The following COX10 variants were observed in gnomAD, a reference collection of about 807,000 sequenced individuals.
The protein encoded by COX10 is protoheme IX farnesyltransferase, mitochondrial.
In COX10, 27 loss-of-function variants were observed where a neutral mutation model predicts 37.3. The ratio of observed to expected loss-of-function variants is 0.72; its 90% CI spans 0.53 to 1.00. COX10 has a LOEUF of 1.00. Among genes scored for constraint, COX10 ranks in the 50% least tolerant of loss-of-function variants. The pLI is 0.00. For synonymous variants in COX10, 222 were observed against 229.1 expected (o/e 0.97, Z 0.28); for missense variants, 475 against 563.2 (o/e 0.84, Z 1.59).
chr17:14,074,479 A>C (rs200849035), intron 2 of COX10, 23 bp downstream of exon 2: 1 of 1,519,430 alleles, frequency 6.6e-7, no homozygotes, highest in East Asian at 2.4e-5. Context: ...GACCATTCTT[A>C]CTCTGTTACT....
At chr17:14,101,316 T>C (rs1915775246) in intron 3 of COX10, among the ~76,000 whole-genome samples, 1 of 152,164 alleles carries the variant, frequency 6.6e-6, no homozygotes, top group Non-Finnish European at 1.5e-5. Flanking sequence ...TTCTCTTCCT[T>C]TCTCTTCATC....
chr17:14,170,318 C>A (rs1357787031), intron 5 of COX10, among the ~76,000 whole-genome samples: 2 of 152,058 alleles, frequency 1.3e-5, no homozygotes, highest in Non-Finnish European at 2.9e-5. Context: ...CAGTATTATC[C>A]AGTTTTTTTA....
At chr17:14,087,838 G>A (rs935701078) in intron 3 of COX10, among the ~76,000 whole-genome samples, 4 of 152,100 alleles carry the variant, frequency 2.6e-5, no homozygotes, top group African/African-American at 7.2e-5. Flanking sequence ...TGAGTTGGAA[G>A]AATACCACAG....
At chr17:14,149,859 A>C (rs918507233) in intron 4 of COX10, among the ~76,000 whole-genome samples, 1 of 152,194 alleles carries the variant, frequency 6.6e-6, no homozygotes, top group African/African-American at 2.4e-5. Flanking sequence ...TATCACTTGC[A>C]ATCCCAAGAG....
In COX10 at chr17:14,207,711, GT is replaced by G. The variant is rs1048606415; in HGVS notation, c.*502del. On this transcript the variant is annotated 3_prime_UTR_variant, in exon 7 of 7. Coordinates refer to ENST00000261643, the MANE Select transcript of COX10 (RefSeq NM_001303.4). ...GACTGAGCCAGGGCCTGCATTTTTG[GT>G]TTTCCCCACCCCACACATTCTCAAC... is the stretch of plus-strand genomic sequence containing the variant. The G allele has an allele frequency of 1.9e-5, 3 of 154,628 alleles. No individual in the cohort carries two copies. Among genetic ancestry groups the G allele is most frequent in the African/African-American group, 7.2e-5 (3 of 41,432 alleles). 9.6% of individuals were successfully genotyped at this position (154,628 alleles called of 1,614,324 possible). A position where few individuals can be genotyped will look rare whatever the true frequency, so the allele number is the denominator to read the frequency against.
At chr17:14,129,798 ACT>A (rs1281546450) in intron 4 of COX10, among the ~76,000 whole-genome samples, 1 of 151,916 alleles carries the variant, frequency 6.6e-6, no homozygotes, top group Non-Finnish European at 1.5e-5. Flanking sequence ...GGATAGGAGG[ACT>A]CTCTGGGTAC....
At chr17:14,090,015 C>A (rs1312796713) in intron 3 of COX10, among the ~76,000 whole-genome samples, 1 of 152,066 alleles carries the variant, frequency 6.6e-6, no homozygotes, top group Non-Finnish European at 1.5e-5. Context: ...TGAATTCTTA[C>A]CTTTTTTTGC....
chr17:14,111,345 C>T (rs889384558), intron 4 of COX10, among the ~76,000 whole-genome samples: 21 of 151,980 alleles, frequency 1.4e-4, no homozygotes, highest in African/African-American at 3.6e-4. Flanking sequence ...CCGGAAACAA[C>T]GATCACAGGG....
chr17:14,072,943 G>A (rs1473523184), intron 1 of COX10, among the ~76,000 whole-genome samples: 2 of 152,212 alleles, frequency 1.3e-5, no homozygotes, highest in African/African-American at 2.4e-5. Flanking sequence ...GCATGAAGAA[G>A]TGTCATGCAA....
chr17:14,095,186 A>C (rs182913406), intron 3 of COX10, among the ~76,000 whole-genome samples: 1 of 152,338 alleles, frequency 6.6e-6, no homozygotes, highest in East Asian at 1.9e-4. Flanking sequence ...GAGACTATAC[A>C]CTGAGATGTT....
chr17:14,102,927 G>A (rs1264664328), intron 4 of COX10, among the ~76,000 whole-genome samples: 5 of 152,074 alleles, frequency 3.3e-5, no homozygotes, highest in Non-Finnish European at 7.4e-5. Context: ...AGAGGAGTTG[G>A]CTCAGTTTTA....
chr17:14,090,730 C>A (rs1356962555), intron 3 of COX10, among the ~76,000 whole-genome samples: 1 of 152,154 alleles, frequency 6.6e-6, no homozygotes, highest in East Asian at 1.9e-4. Context: ...TTTGACATCA[C>A]TTTTGGGAAG....
intron 6 of COX10, among the ~76,000 whole-genome samples, chr17:14,202,964 A>G (rs1411166029): frequency 1.3e-5 from 2 of 152,106 alleles, no homozygotes; most frequent in Non-Finnish European, 2.9e-5. Context: ...GCCTTCCCTG[A>G]GCACTCAGTC....
At chr17:14,131,027 A>G (rs1301789366) in intron 4 of COX10, among the ~76,000 whole-genome samples, 2 of 152,172 alleles carry the variant, frequency 1.3e-5, no homozygotes, top group African/African-American at 2.4e-5. Context: ...TCCTAGCAGC[A>G]TGTCATAGTG....
At chr17:14,127,178 C>A (rs1916360718) in intron 4 of COX10, among the ~76,000 whole-genome samples, 1 of 152,086 alleles carries the variant, frequency 6.6e-6, no homozygotes. Context: ...CTTGTTTTAA[C>A]TATTTGCTGT....
chr17:14,104,756 G>T (rs1032745781), intron 4 of COX10, among the ~76,000 whole-genome samples: 1 of 152,088 alleles, frequency 6.6e-6, no homozygotes, highest in African/African-American at 2.4e-5. Context: ...TTGGAAAGCT[G>T]TTTTTACTTT....
chr17:14,151,590 AG>A (rs1246660588), intron 4 of COX10, among the ~76,000 whole-genome samples: 19 of 151,856 alleles, frequency 1.3e-4, no homozygotes, highest in African/African-American at 4.6e-4. Context: ...CTGCCAAGAT[AG>A]TTACTTAACC....
chr17:14,108,419 C>T (rs759048861), intron 4 of COX10, among the ~76,000 whole-genome samples: 5 of 152,072 alleles, frequency 3.3e-5, no homozygotes, highest in East Asian at 1.9e-4. Context: ...ATGTTCTCAG[C>T]GACTTTACTT....
At chr17:14,166,785 C>CTTTTTTTTTTTTTTTTTTTTTT (rs57127092) in intron 5 of COX10, among the ~76,000 whole-genome samples, 1 of 100,260 alleles carries the variant, frequency 1.0e-5, no homozygotes, top group Admixed American at 1.3e-4. Flanking sequence ...CTATTTCTTT[C>CTTTTTTTTTTTTTTTTTTTTTT]TTTTTTTTTT....
Sources: allele counts gnomAD v4.1 joint callset (sites outside exome capture counted in the v4.1 genomes callset), GRCh38; gene constraint gnomAD v4.1.1; transcripts MANE v1.5; gene names NCBI Gene and HGNC (gene_info 2026-07-23, HGNC 2026-07-21).